The following TENM2 variants were observed in gnomAD, a reference collection of about 807,000 sequenced individuals.
TENM2 encodes teneurin-2.
Under a neutral mutation model 245.2 loss-of-function variants are expected in TENM2, and 52 were observed. The ratio of observed to expected loss-of-function variants is 0.21; its 90% CI spans 0.17 to 0.27. The LOEUF (loss-of-function observed/expected upper bound fraction) is 0.27. TENM2 is among the 10% of genes least tolerant of loss of function. TENM2 has a pLI of 1.00. For missense variants in TENM2, 3,046 were observed against 3,666.8 expected, an observed-to-expected ratio of 0.83 and a Z score of 4.37; for synonymous variants, 1,363 against 1,438.9, an observed-to-expected ratio of 0.95 and a Z score of 1.19.
At chr5:167,201,525 T>C in the TENM2 span, among the ~76,000 whole-genome samples, 1 of 152,168 alleles carries the variant, frequency 6.6e-6, no homozygotes, top group African/African-American at 2.4e-5. Flanking sequence ...TTAGTTACGA[T>C]GTTGTCATTT....
At chr5:167,367,707 G>A (rs1371098362) in intron 1 of TENM2, among the ~76,000 whole-genome samples, 1 of 151,834 alleles carries the variant, frequency 6.6e-6, no homozygotes, top group Admixed American at 6.6e-5. Flanking sequence ...TATTTTGTAT[G>A]GCTCACACAT....
At chr5:167,299,682 C>CT (rs1358283095) in intron 1 of TENM2, among the ~76,000 whole-genome samples, 1 of 152,044 alleles carries the variant, frequency 6.6e-6, no homozygotes, top group African/African-American at 2.4e-5. Context: ...CATCAATAAA[C>CT]TAAGTGTGAT....
At chr5:167,076,019 T>C in the TENM2 span, among the ~76,000 whole-genome samples, 2 of 152,210 alleles carry the variant, frequency 1.3e-5, no homozygotes, top group East Asian at 3.9e-4. Context: ...TTCCTTTTCA[T>C]GTAAGCTTAT....
At chr5:167,031,867 T>G in the TENM2 span, among the ~76,000 whole-genome samples, 1 of 152,128 alleles carries the variant, frequency 6.6e-6, no homozygotes, top group Non-Finnish European at 1.5e-5. Context: ...CCCAGCCTAT[T>G]TGAGTTTTTT....
chr5:167,241,866 A>T, the TENM2 span, among the ~76,000 whole-genome samples: 1 of 152,114 alleles, frequency 6.6e-6, no homozygotes, highest in Non-Finnish European at 1.5e-5. Flanking sequence ...GTAACGGTTG[A>T]TGGCTGAGGA....
chr5:167,653,923 C>G (rs1754654614), intron 2 of TENM2: 1 of 151,446 alleles, frequency 6.6e-6, no homozygotes, highest in African/African-American at 2.4e-5. Flanking sequence ...GAGAATGGAG[C>G]CAATCTAAAA....
In TENM2 at chr5:168,244,369, C is replaced by T. The variant is rs1766362254; in HGVS notation, c.5521-51C>T. On this transcript the variant is annotated intron_variant, in intron 25 of 28. Coordinates refer to ENST00000518659, the Ensembl canonical transcript of TENM2. This position sits in a 1 kb window ranked among gnomAD's most constrained non-coding sequence, Gnocchi z 4.9. ...GCCATGTCCTCCACAGAAGCCTGAG[C>T]CGGCATGCCTGGGTGATGTCTTTCA... The T allele has an allele frequency of 2.8e-6, 4 of 1,404,464 alleles. No homozygotes were observed. The East Asian group carries it at 7.7e-5, about 27-fold the overall frequency. 87.0% of individuals were successfully genotyped at this position (1,404,464 alleles called of 1,614,324 possible).
intron 2 of TENM2, among the ~76,000 whole-genome samples, chr5:167,640,846 T>TATATATATATCC (rs1779515818): frequency 1.1e-5 from 1 of 92,570 alleles, no homozygotes; most frequent in Non-Finnish European, 2.0e-5. Flanking sequence ...TATATCCATA[T>TATATATATATCC]ATATATATAT....
chr5:167,788,920 G>A (rs1384320898), intron 2 of TENM2, among the ~76,000 whole-genome samples: 1 of 152,090 alleles, frequency 6.6e-6, no homozygotes, highest in East Asian at 1.9e-4. Flanking sequence ...AGTCCTAATA[G>A]CAACTCTTCA....
At chr5:167,073,994 C>T in the TENM2 span, among the ~76,000 whole-genome samples, 1 of 152,150 alleles carries the variant, frequency 6.6e-6, no homozygotes, top group Non-Finnish European at 1.5e-5. Flanking sequence ...AACCATTTTC[C>T]CCTGGTCCTC....
At chr5:167,224,747 A>C in the TENM2 span, among the ~76,000 whole-genome samples, 1 of 151,844 alleles carries the variant, frequency 6.6e-6, no homozygotes, top group East Asian at 1.9e-4. Context: ...AAATTATATT[A>C]GTATTTTGAT....
At chr5:167,276,337 C>G in the TENM2 span, among the ~76,000 whole-genome samples, 1 of 141,380 alleles carries the variant, frequency 7.1e-6, no homozygotes, top group Non-Finnish European at 1.5e-5. Context: ...GTGAAACCAG[C>G]TGAGCCTGTT....
chr5:167,266,680 G>A, the TENM2 span, among the ~76,000 whole-genome samples: 1 of 152,098 alleles, frequency 6.6e-6, no homozygotes, highest in African/African-American at 2.4e-5. Context: ...AATGGGGATA[G>A]GTATATCTAA....
intron 2 of TENM2, among the ~76,000 whole-genome samples, chr5:167,714,837 G>A (rs1039048161): frequency 6.6e-6 from 1 of 152,148 alleles, no homozygotes; most frequent in Non-Finnish European, 1.5e-5. Flanking sequence ...CCACACTGTA[G>A]CATTTCTCCC....
the TENM2 span, among the ~76,000 whole-genome samples, chr5:167,209,581 C>T: frequency 2.6e-5 from 4 of 152,140 alleles, no homozygotes; most frequent in African/African-American, 9.7e-5. Context: ...TGTTCCTCAA[C>T]TTATATTGAC....
intron 3 of TENM2, among the ~76,000 whole-genome samples, chr5:167,890,256 T>A (rs1774639184): frequency 6.6e-6 from 1 of 152,134 alleles, no homozygotes; most frequent in African/African-American, 2.4e-5. Context: ...CTTCCAATGA[T>A]GTGCTGAGTC....
At chr5:168,009,360 TTA>T (rs1000252380) in intron 5 of TENM2, among the ~76,000 whole-genome samples, 1 of 152,190 alleles carries the variant, frequency 6.6e-6, no homozygotes, top group Non-Finnish European at 1.5e-5. Flanking sequence ...ATGAGCAGGT[TTA>T]AACTCTAATG....
At chr5:167,095,144 T>G in the TENM2 span, among the ~76,000 whole-genome samples, 1 of 152,162 alleles carries the variant, frequency 6.6e-6, no homozygotes. Context: ...CAGAGCTTAC[T>G]TTTTAGTGGA....
intron 2 of TENM2, 97 bp downstream of exon 4, chr5:167,375,570 C>T: frequency 7.7e-7 from 1 of 1,305,062 alleles, no homozygotes; most frequent in Non-Finnish European, 1.1e-6. Context: ...GTCATAAAAC[C>T]ATTCATTTTC....
Sources: gnomAD v4.1 joint callset for allele counts (sites outside exome capture counted in the v4.1 genomes callset) on GRCh38, gnomAD v4.1.1 for gene constraint, Gnocchi (gnomAD v3.1) non-coding constraint, MANE v1.5 for transcripts, NCBI Gene and HGNC (gene_info 2026-07-23, HGNC 2026-07-21) for gene names.